The following ZFC3H1 variants were observed in gnomAD, a reference collection of about 807,000 sequenced individuals.
ZFC3H1 encodes the protein zinc finger C3H1 domain-containing protein.
ZFC3H1 carries 71 observed loss-of-function variants against 243.7 expected under a neutral mutation model. The ratio of observed to expected loss-of-function variants is 0.29; its 90% CI spans 0.24 to 0.36. The LOEUF (loss-of-function observed/expected upper bound fraction) is 0.36. Among genes scored for constraint, ZFC3H1 ranks in the 10% least tolerant of loss-of-function variants. The pLI is 1.00. For synonymous variants in ZFC3H1, 838 were observed against 813.0 expected (o/e 1.03, Z -0.52); for missense variants, 1,966 against 2,317.1 (o/e 0.85, Z 3.11).
At chr12:71,619,233 T>A (rs1163405106) in intron 27 of ZFC3H1, 82 bp downstream of exon 27, 7 of 1,268,698 alleles carry the variant, frequency 5.5e-6, no homozygotes, top group African/African-American at 4.5e-5. Flanking sequence ...TAAAATGTCA[T>A]CATATAAGAA....
Position 71,610,236 on chromosome 12 carries a change from A to G in ZFC3H1, c.*192T>C, listed in dbSNP as rs947401630. ...TAGAAGCAGGCCAAACAGGAAGTTC[A>G]TTTATCCAACCGAAGAGGATCATGT... On this transcript the variant is annotated 3_prime_UTR_variant, in exon 35 of 35. Transcript: ENST00000378743. 4 of 591,990 alleles carry G rather than the reference A, an allele frequency of 6.8e-6. No individual in the cohort carries two copies. Among genetic ancestry groups the G allele is most frequent in the Non-Finnish European group, 1.1e-5 (4 of 361,540 alleles). 36.7% of individuals were successfully genotyped at this position (591,990 alleles called of 1,614,324 possible).
At chr12:71,616,300 A>C (rs1795112531) in intron 27 of ZFC3H1, among the ~76,000 whole-genome samples, 1 of 152,222 alleles carries the variant, frequency 6.6e-6, no homozygotes, top group Non-Finnish European at 1.5e-5. Flanking sequence ...CTTTCTTAAA[A>C]AAAAAGATTT....
chr12:71,663,587 G>A lies in ZFC3H1; in HGVS notation c.24C>T (p.Ala8=), dbSNP rs765858680. Residue 8 remains alanine, a synonymous_variant, in exon 1 of 35, where the codon GCC becomes GCT. Transcript: ENST00000378743. MATADTP[A]PASSGLSPKE... is the part of the protein sequence containing the mutation. ...TCGGCGAGAGGCCACTGGAGGCCGG[G>A]GCCGGAGTATCTGCGGTCGCCATCC... 28 of 1,611,212 alleles carry A rather than the reference G, an allele frequency of 1.7e-5. No homozygotes were observed. The highest frequency in any genetic ancestry group is 6.7e-5 in the Admixed American group (4 of 60,000).
chr12:71,644,617 G>C (rs1368945694), intron 4 of ZFC3H1, among the ~76,000 whole-genome samples: 1 of 152,128 alleles, frequency 6.6e-6, no homozygotes, highest in African/African-American at 2.4e-5. Flanking sequence ...AGGAGTTTGA[G>C]ACCAGTTAGC....
chr12:71,630,506 A>G, intron 18 of ZFC3H1, 94 bp downstream of exon 18: 1 of 1,439,984 alleles, frequency 6.9e-7, no homozygotes, highest in Non-Finnish European at 9.4e-7. Context: ...ACTGAATTAT[A>G]GTAAGTATTT....
intron 2 of ZFC3H1, among the ~76,000 whole-genome samples, chr12:71,648,428 T>A (rs1048625220): frequency 6.6e-6 from 1 of 152,208 alleles, no homozygotes; most frequent in Non-Finnish European, 1.5e-5. Context: ...AAACATCACA[T>A]GATAAAGTTA....
intron 2 of ZFC3H1, among the ~76,000 whole-genome samples, chr12:71,651,865 G>A (rs1880894405): frequency 6.6e-6 from 1 of 152,206 alleles, no homozygotes; most frequent in African/African-American, 2.4e-5. Flanking sequence ...AGAGAAGGCA[G>A]AAGTTAGAGC....
rs143759648 is a variant in ZFC3H1, at chr12:71,624,905, T to A, written c.4318-613A>T. ...CCGCTTCAACCCAGGAGACGGAGGT[T>A]GCAGTGAGCCAACATCACACCATTG... is the stretch of plus-strand genomic sequence containing the variant. On this transcript the variant is annotated intron_variant, in intron 22 of 34. Transcript: ENST00000378743. 4.5e-3 allele frequency among the ~76,000 whole-genome samples: 690 copies of A among 152,286 alleles called. 4 individuals are homozygous for A. The highest frequency in any genetic ancestry group is 6.8e-3 in the Non-Finnish European group (464 of 68,012).
chr12:71,614,474 T>C, intron 30 of ZFC3H1, 61 bp downstream of exon 30: 1 of 1,453,334 alleles, frequency 6.9e-7, no homozygotes, highest in Non-Finnish European at 9.2e-7. Flanking sequence ...AGTTTTGCTA[T>C]CATTTTTAAA....
In ZFC3H1 at chr12:71,624,130, A is replaced by G. The variant is rs1426529434; in HGVS notation, c.4480T>C (p.Cys1494Arg). ...TGTAAAATTGCCAGTGCACTTTGGC[A>G]TCTTCCAGTAAATATGTGCAGCTGA... ...RVQLHIFTGR[C>R]QSALAILQNA... The change falls in exon 23 of 35, where the codon TGC becomes CGC. Residue 1494 changes from cysteine to arginine, a missense_variant. Physicochemically the swap from Cys to Arg is radical, Grantham distance 180. Transcript: ENST00000378743. 1 of 1,612,520 alleles carries G rather than the reference A, an allele frequency of 6.2e-7. No homozygotes were observed. Among genetic ancestry groups the G allele is most frequent in the Non-Finnish European group, 8.5e-7 (1 of 1,179,566 alleles).
chr12:71,633,789 G>GGATT (rs1338133167), intron 12 of ZFC3H1, among the ~76,000 whole-genome samples: 1 of 152,108 alleles, frequency 6.6e-6, no homozygotes, highest in East Asian at 1.9e-4. Context: ...CAAGTAGCTG[G>GGATT]GATTACAAGG....
At chr12:71,616,485 C>A (rs1879897260) in intron 27 of ZFC3H1, among the ~76,000 whole-genome samples, 1 of 152,036 alleles carries the variant, frequency 6.6e-6, no homozygotes, top group Non-Finnish European at 1.5e-5. Flanking sequence ...CAAATTATAG[C>A]CCCATCTTGA....
chr12:71,656,909 A>T lies in ZFC3H1; in HGVS notation c.991T>A (p.Ser331Thr). Residue 331 changes from serine to threonine, a missense_variant, in exon 2 of 35, where the codon TCC (serine) becomes ACC (threonine). Around this residue, in one of 4 missense-constraint regions of ZFC3H1, gnomAD observed 484 missense variants for 449.7 expected, o/e 1.08. Transcript: ENST00000378743. ...KDGAKPLSLK[S>T]DTTDSSQGLQ... ...CCTTGACTAGAATCAGTAGTGTCGG[A>T]TTTCAGGGAAAGTGGTTTTGCTCCA... The T allele has an allele frequency of 6.2e-7, 1 of 1,612,762 alleles. No homozygotes were observed. The highest frequency in any genetic ancestry group is 8.5e-7 in the Non-Finnish European group (1 of 1,179,516).
At chr12:71,614,000 A>T (rs1315367261) in intron 30 of ZFC3H1, among the ~76,000 whole-genome samples, 2 of 152,206 alleles carry the variant, frequency 1.3e-5, no homozygotes, top group Non-Finnish European at 2.9e-5. Flanking sequence ...ATTTTTTTAA[A>T]AGATAATCAC....
Position 71,620,079 on chromosome 12 carries a change from A to C in ZFC3H1, c.4896T>G (p.Cys1632Trp), listed in dbSNP as rs1456262107. Residue 1632 changes from cysteine (C) to tryptophan (W), a missense_variant, in exon 26 of 35, where the codon TGT becomes TGG. Physicochemically the swap from Cys to Trp is radical, Grantham distance 215 (BLOSUM62 -2). This residue lies in a region of ZFC3H1 where 1,383 missense variants were observed against 1,723.7 expected (regional missense o/e 0.80). Coordinates refer to ENST00000378743, the MANE Select transcript of ZFC3H1 (RefSeq NM_144982.5). ...CTTCCAGCAACTGGCAGTTAATAGG[A>C]CATGATTCCAATAAAGATTTACAAA... ...MELCKSLLES[C>W]PINCQLLEAL... 1.9e-6 allele frequency: 3 copies of C among 1,613,404 alleles called. No homozygotes were observed. The highest frequency in any genetic ancestry group is 2.7e-5 in the African/African-American group (2 of 74,862).
Position 71,620,082 on chromosome 12 carries a change from T to C in ZFC3H1, c.4893A>G (p.Ser1631=). ...AMELCKSLLE[S]CPINCQLLEA... ...CCAGCAACTGGCAGTTAATAGGACA[T>C]GATTCCAATAAAGATTTACAAAGCT... The change falls in exon 26 of 35, where the codon TCA becomes TCG. Residue 1631 remains serine, a synonymous_variant. Transcript: ENST00000378743. The C allele has an allele frequency of 6.2e-7, 1 of 1,613,352 alleles. No individual in the cohort carries two copies. Among genetic ancestry groups the C allele is most frequent in the Admixed American group, 1.7e-5 (1 of 59,878 alleles).
At chr12:71,635,347 AAATCTATAACTTT>A (rs1173069966) in intron 10 of ZFC3H1, 83 bp downstream of exon 10, 9 of 1,436,722 alleles carry the variant, frequency 6.3e-6, no homozygotes, top group East Asian at 2.6e-5. Context: ...ATGTTATTAA[AAATCTATAACTTT>A]ATGGTTTAAT....
In ZFC3H1 at chr12:71,663,047, C is replaced by G; in HGVS notation, c.564G>C (p.Gln188His). 6.2e-7 allele frequency: 1 copy of G among 1,612,636 alleles called. No homozygotes were observed. Among genetic ancestry groups the G allele is most frequent in the East Asian group, 2.2e-5 (1 of 44,858 alleles). ...GGAGSGFSSS[Q>H]SWREPSPPRK... ...GAGGTGGAGAGGGCTCTCGCCAGCT[C>G]TGACTGCTGCTGAACCCGGATCCTG... is the stretch of plus-strand genomic sequence containing the variant. Residue 188 changes from glutamine (Q) to histidine (H), a missense_variant, in exon 1 of 35, where the codon CAG (glutamine) becomes CAC (histidine). Gln to His is a conservative substitution (Grantham distance 24, BLOSUM62 0). Transcript: ENST00000378743.
Position 71,636,607 on chromosome 12 carries a change from A to G in ZFC3H1, c.1983T>C (p.Asn661=). The change falls in exon 9 of 35, where the codon AAT becomes AAC. Residue 661 remains asparagine (N), a synonymous_variant. Transcript: ENST00000378743. ...SDPPSPPVLN[N]SHPVPRSNLS... is the part of the protein sequence containing the mutation. ...GATTGCTTCTTGGCACAGGATGTGA[A>G]TTGTTCAGAACTGGAGGTGAAGGTG... 6.2e-7 allele frequency: 1 copy of G among 1,613,960 alleles called. No homozygotes were observed. The highest frequency in any genetic ancestry group is 8.5e-7 in the Non-Finnish European group (1 of 1,179,874).
Sources: gnomAD v4.1 joint callset for allele counts (sites outside exome capture counted in the v4.1 genomes callset) on GRCh38, gnomAD v4.1.1 for gene constraint, gnomAD v4.1.1 regional missense constraint, MANE v1.5 for transcripts, NCBI Gene and HGNC (gene_info 2026-07-23, HGNC 2026-07-21) for gene names.